The following LRRC15 variants were observed in gnomAD, a reference collection of about 807,000 sequenced individuals.
LRRC15 encodes the protein leucine-rich repeat-containing protein 15.
In LRRC15, 5 loss-of-function variants were observed where a neutral mutation model predicts 4.3. The ratio of observed to expected loss-of-function variants is 1.16; its 90% CI spans 0.61 to 2.44. LRRC15 has a LOEUF of 2.44. Among genes scored for constraint, LRRC15 ranks in the 30% most tolerant of loss-of-function variants. The probability of loss-of-function intolerance (pLI) is 0.01; values close to 1 mark genes in which losing one functional copy is unlikely to be tolerated. For synonymous variants in LRRC15, 337 were observed against 323.2 expected, an observed-to-expected ratio of 1.04 and a Z score of -0.46; for missense variants, 769 against 747.0, an observed-to-expected ratio of 1.03 and a Z score of -0.34.
chr3:194,360,377 G>A lies in LRRC15; in HGVS notation c.667C>T (p.Leu223=), dbSNP rs1263286870. Reference sequence around the variant, plus strand: ...TTCTGCTGCAGAGCCAGTTCCTGCAGGTTAACAAGCCCATCAAAAGTGCCC... The same window carrying A: ...TTCTGCTGCAGAGCCAGTTCCTGCAAGTTAACAAGCCCATCAAAAGTGCCC... ...PMGTFDGLVN[L]QELALQQNQI... is the part of the protein sequence containing the mutation. The change falls in exon 2 of 2, where the codon CTG becomes TTG. Residue 223 remains leucine, a synonymous_variant. Coordinates refer to ENST00000347624, the MANE Select transcript of LRRC15 (RefSeq NM_130830.5). 2 of 1,614,194 alleles carry A rather than the reference G, an allele frequency of 1.2e-6. No individual in the cohort carries two copies. The highest frequency in any genetic ancestry group is 1.7e-6 in the Non-Finnish European group (2 of 1,180,040).
At chr3:194,365,430 C>T (rs774526632) in intron 1 of LRRC15, among the ~76,000 whole-genome samples, 5 of 152,168 alleles carry the variant, frequency 3.3e-5, no homozygotes, top group Non-Finnish European at 7.3e-5. Flanking sequence ...CGTTCACATT[C>T]CCTGAACACG....
At chr3:194,361,685 C>T (rs1713632972) in intron 1 of LRRC15, among the ~76,000 whole-genome samples, 1 of 152,184 alleles carries the variant, frequency 6.6e-6, no homozygotes, top group South Asian at 2.1e-4. Flanking sequence ...GCAGCAGCGG[C>T]GGCAGAGTTA....
intron 1 of LRRC15, among the ~76,000 whole-genome samples, chr3:194,368,394 G>A (rs962239164): frequency 2.6e-5 from 4 of 152,006 alleles, no homozygotes; most frequent in South Asian, 2.1e-4. Context: ...ACTGTCTGTC[G>A]AATCTATCCA....
rs1713566724 is a variant in LRRC15, at chr3:194,360,122, G to T, written c.922C>A (p.Leu308Ile). The T allele has an allele frequency of 2.5e-6, 4 of 1,614,122 alleles. No individual in the cohort carries two copies. The highest frequency in any genetic ancestry group is 3.3e-5 in the Admixed American group (2 of 60,012). Residue 308 changes from leucine (L) to isoleucine (I), a missense_variant, in exon 2 of 2, where the codon CTA becomes ATA. Transcript: ENST00000347624. The stretch of plus-strand genomic sequence containing the variant: ...AGGTTGCTGAAGACATTGTCGGGTA[G>T]AGAAGAGATGTGGTTGTCATAGAGC... ...LWLYDNHISSLPDNVFSNLRQ... is the reference protein window; with the variant it reads ...LWLYDNHISSIPDNVFSNLRQ...
At chr3:194,366,629 C>G (rs958227244) in intron 1 of LRRC15, among the ~76,000 whole-genome samples, 1 of 151,906 alleles carries the variant, frequency 6.6e-6, no homozygotes, top group Admixed American at 6.6e-5. Context: ...CAGGCCTGGC[C>G]CCATCCCTCT....
intron 1 of LRRC15, among the ~76,000 whole-genome samples, chr3:194,366,315 G>A (rs1369196866): frequency 1.3e-5 from 2 of 152,254 alleles, no homozygotes; most frequent in Non-Finnish European, 2.9e-5. Flanking sequence ...AAGCACTTGG[G>A]TGAGTTCTTG....
intron 1 of LRRC15, among the ~76,000 whole-genome samples, chr3:194,363,091 C>T (rs1713679746): frequency 1.3e-5 from 2 of 152,108 alleles, no homozygotes; most frequent in African/African-American, 4.8e-5. Flanking sequence ...AAGGCGCATG[C>T]CACCATGCCT....
intron 1 of LRRC15, among the ~76,000 whole-genome samples, chr3:194,364,982 G>A (rs1306078018): frequency 1.3e-5 from 2 of 152,200 alleles, no homozygotes; most frequent in Non-Finnish European, 2.9e-5. Flanking sequence ...TCCTGCAGTG[G>A]CCACAGCCTC....
At chr3:194,363,166 C>A (rs1713683645) in intron 1 of LRRC15, among the ~76,000 whole-genome samples, 1 of 152,092 alleles carries the variant, frequency 6.6e-6, no homozygotes, top group Non-Finnish European at 1.5e-5. Context: ...GTCTTGATCT[C>A]CTGACCTCGT....
At chr3:194,362,947 T>G (rs528546453) in intron 1 of LRRC15, among the ~76,000 whole-genome samples, 99 of 147,492 alleles carry the variant, frequency 6.7e-4, no homozygotes, top group Non-Finnish European at 1.0e-3. Context: ...TTGTTTTTTT[T>G]TTTTTTTTTT....
chr3:194,367,729 C>A (rs9846288), intron 1 of LRRC15, among the ~76,000 whole-genome samples: 1 of 152,196 alleles, frequency 6.6e-6, no homozygotes, highest in East Asian at 1.9e-4. Context: ...CAAACAGAAA[C>A]CTTCCTTGAA....
chr3:194,368,855 A>T (rs985324270), intron 1 of LRRC15, among the ~76,000 whole-genome samples: 3 of 152,152 alleles, frequency 2.0e-5, no homozygotes, highest in Admixed American at 6.5e-5. Context: ...TTGAGCAGAG[A>T]CACGGGTCAA....
At position 194,357,158 on chromosome 3, in the gene LRRC15, T is replaced by G. The variant is rs1453241687; in HGVS notation, c.*2140A>C. On this transcript the variant is annotated 3_prime_UTR_variant, in exon 2 of 2. Transcript: ENST00000347624. ...GTTTGCAAACAGCCCTCTGGACACT[T>G]TTTGTGCAGGAACTGGAAGGGAAAA... The G allele has an allele frequency of 6.6e-6, 1 of 152,276 alleles. No individual in the cohort carries two copies. The highest frequency in any genetic ancestry group is 1.5e-5 in the Non-Finnish European group (1 of 68,096). 9.4% of individuals were successfully genotyped at this position (152,276 alleles called of 1,614,324 possible).
chr3:194,362,506 T>C (rs370955980), intron 1 of LRRC15, among the ~76,000 whole-genome samples: 30 of 152,264 alleles, frequency 2.0e-4, no homozygotes, highest in African/African-American at 7.0e-4. Flanking sequence ...TATCCGCAAC[T>C]TCCACCAAAG....
intron 1 of LRRC15, among the ~76,000 whole-genome samples, chr3:194,362,265 C>T (rs868192072): frequency 1.3e-5 from 2 of 152,062 alleles, no homozygotes; most frequent in Non-Finnish European, 2.9e-5. Flanking sequence ...TCAGCTCCCT[C>T]GTGTGTGAAG....
At chr3:194,369,187 C>T (rs1191877662) in intron 1 of LRRC15, among the ~76,000 whole-genome samples, 3 of 152,262 alleles carry the variant, frequency 2.0e-5, no homozygotes, top group African/African-American at 7.2e-5. Flanking sequence ...TGGGCAGAAC[C>T]AAATGCGGGG....
chr3:194,362,501 G>T (rs957315040), intron 1 of LRRC15, among the ~76,000 whole-genome samples: 1 of 152,106 alleles, frequency 6.6e-6, no homozygotes, highest in Admixed American at 6.5e-5. Flanking sequence ...GAGAGTATCC[G>T]CAACTTCCAC....
At position 194,361,003 on chromosome 3, in the gene LRRC15, T is replaced by C. The variant is rs1713614410; in HGVS notation, c.41A>G (p.Gln14Arg). The change falls in exon 2 of 2, where the codon CAA (glutamine) becomes CGA (arginine). Residue 14 changes from glutamine (Q) to arginine (R), a missense_variant. Gln to Arg is a conservative substitution (Grantham distance 43, BLOSUM62 1). Coordinates refer to ENST00000347624, the MANE Select transcript of LRRC15 (RefSeq NM_130830.5). ...KHYLLLLVGC[Q>R]AWGAGLAYHG... ...GTAGGCCAACCCTGCACCCCAGGCT[T>C]GGCAGCCCACCAGCAAAAGGAGATA... The C allele has an allele frequency of 3.3e-6, 5 of 1,524,704 alleles. No individual in the cohort carries two copies. The Admixed American group carries it at 6.1e-5, about 19-fold the overall frequency. 94.4% of individuals were successfully genotyped at this position (1,524,704 alleles called of 1,614,324 possible).
chr3:194,361,836 G>A (rs1713636844), intron 1 of LRRC15, among the ~76,000 whole-genome samples: 2 of 152,164 alleles, frequency 1.3e-5, no homozygotes, highest in South Asian at 4.1e-4. Context: ...GCTTCATCTA[G>A]CTCGAATTCA....
Sources: gnomAD v4.1 joint callset for allele counts (sites outside exome capture counted in the v4.1 genomes callset) on GRCh38, gnomAD v4.1.1 for gene constraint, MANE v1.5 for transcripts, NCBI Gene and HGNC (gene_info 2026-07-23, HGNC 2026-07-21) for gene names.